AFF2: variants seen among roughly 807,000 people sequenced by gnomAD.
The protein encoded by AFF2 is ALF transcription elongation factor 2, also known as AF4/FMR2 family member 2.
A neutral mutation model predicts 76.9 loss-of-function variants in AFF2; 14 were observed. The ratio of observed to expected loss-of-function variants is 0.18; its 90% CI spans 0.12 to 0.28. AFF2 has a LOEUF of 0.28. Ranked by LOEUF, AFF2 falls within the 10% of genes least tolerant of loss-of-function variation. AFF2 has a pLI of 1.00. For missense variants in AFF2, 868 were observed against 1,001.1 expected (o/e 0.87, Z 1.79); for synonymous variants, 398 against 366.7 (o/e 1.09, Z -0.98).
intron 3 of AFF2, among the ~76,000 whole-genome samples, chrX:148,732,243 C>T (rs1350522106): frequency 1.1e-5 from 1 of 92,620 alleles, no homozygotes; most frequent in African/African-American, 4.3e-5. Context: ...ACTATGCAGC[C>T]ATAAAAAATG....
intron 9 of AFF2, among the ~76,000 whole-genome samples, chrX:148,921,513 C>T (rs1027772738): frequency 6.2e-5 from 7 of 112,188 alleles, no homozygotes; most frequent in African/African-American, 2.3e-4. Flanking sequence ...CAGTATGTAA[C>T]CTTTTGTGTC....
chrX:148,664,707 G>A (rs1557258265), intron 3 of AFF2, among the ~76,000 whole-genome samples: 1 of 112,567 alleles, frequency 8.9e-6, no homozygotes, highest in Non-Finnish European at 1.9e-5. Context: ...GCACATAGTA[G>A]ATACTCAATA....
rs1207624219 is a variant in AFF2 at position 148,661,765 on chromosome X, A to G, written c.181-143A>G. ...TTTTTTTCTTACATAGCACATGAAA[A>G]GCATGAAATTATATGGCAGCAAGAC... On this transcript the variant is annotated intron_variant, in intron 2 of 20. Transcript: ENST00000370460. 1.7e-5 allele frequency: 11 copies of G among 650,908 alleles called. No homozygotes were observed. The African/African-American group carries it at 2.2e-4, about 13-fold the overall frequency. The allele number at this position is 650,908 out of a possible 1,213,427, so 53.6% of individuals were successfully genotyped here.
chrX:148,589,133 C>T (rs1341508454), intron 1 of AFF2, among the ~76,000 whole-genome samples: 3 of 110,535 alleles, frequency 2.7e-5, no homozygotes, highest in African/African-American at 9.9e-5. Context: ...GGCAGAGAGG[C>T]AGTGAGAGGC....
intron 3 of AFF2, among the ~76,000 whole-genome samples, chrX:148,718,514 G>A (rs1202944458): frequency 9.0e-6 from 1 of 111,139 alleles, no homozygotes; most frequent in African/African-American, 3.3e-5. Context: ...CTTCAAGTTC[G>A]AAATGATATC....
At chrX:148,910,838 C>A (rs2124228183) in intron 9 of AFF2, among the ~76,000 whole-genome samples, 1 of 111,287 alleles carries the variant, frequency 9.0e-6, no homozygotes, top group Non-Finnish European at 1.9e-5. Flanking sequence ...TCCATCAGTC[C>A]CCTAATTATT....
chrX:148,843,789 G>C (rs2070632028), intron 7 of AFF2, among the ~76,000 whole-genome samples: 1 of 110,964 alleles, frequency 9.0e-6, no homozygotes, highest in Admixed American at 9.6e-5. Flanking sequence ...CATGGTAGAA[G>C]GGGTGAGGGG....
At chrX:148,888,676 A>G (rs1209842669) in intron 8 of AFF2, among the ~76,000 whole-genome samples, 1 of 111,782 alleles carries the variant, frequency 8.9e-6, no homozygotes, top group Non-Finnish European at 1.9e-5. Flanking sequence ...CTCCAGCACC[A>G]TCATAAGGAG....
intron 4 of AFF2, among the ~76,000 whole-genome samples, chrX:148,834,110 T>TGGA (rs2124663240): frequency 8.9e-6 from 1 of 112,618 alleles, no homozygotes; most frequent in Admixed American, 9.4e-5. Context: ...GGTTTGACTT[T>TGGA]GGAGTCTTCA....
At chrX:148,978,778 G>T (rs1274186164) in intron 18 of AFF2, among the ~76,000 whole-genome samples, 1 of 111,583 alleles carries the variant, frequency 9.0e-6, no homozygotes, top group Non-Finnish European at 1.9e-5. Context: ...TATAGGTTTG[G>T]CCAGTCTTTT....
chrX:148,732,318 G>A (rs241097), intron 3 of AFF2, among the ~76,000 whole-genome samples: 1 of 98,233 alleles, frequency 1.0e-5, no homozygotes, highest in Non-Finnish European at 2.0e-5. Flanking sequence ...GTAAACTATC[G>A]CAAGAACAAA....
intron 3 of AFF2, among the ~76,000 whole-genome samples, chrX:148,752,847 T>C (rs1557266584): frequency 8.9e-6 from 1 of 112,249 alleles, no homozygotes; most frequent in Non-Finnish European, 1.9e-5. Flanking sequence ...ATATTTGACA[T>C]GCTGCCAGGA....
In AFF2 at chrX:148,955,701, C is replaced by T. The variant is rs782102951; in HGVS notation, c.1656C>T (p.Pro552=). The change falls in exon 11 of 21, where the codon CCC becomes CCT. Residue 552 remains proline (P), a synonymous_variant. Coordinates refer to ENST00000370460, the MANE Select transcript of AFF2 (RefSeq NM_002025.4). Reference sequence around the variant, plus strand: ...TTATTTGTGGCCAAAATGAAACACCCATGGAGACTATTTCTCTGCCTCCTC... The same window carrying T: ...TTATTTGTGGCCAAAATGAAACACCTATGGAGACTATTTCTCTGCCTCCTC... ...KSFICGQNET[P]METISLPPPI... is the part of the protein sequence containing the mutation. 2.5e-6 allele frequency: 3 copies of T among 1,211,453 alleles called. No individual in the cohort carries two copies. Among genetic ancestry groups the T allele is most frequent in the Non-Finnish European group, 3.4e-6 (3 of 895,263 alleles).
At chrX:148,894,446 A>G (rs2071258718) in intron 8 of AFF2, among the ~76,000 whole-genome samples, 1 of 111,938 alleles carries the variant, frequency 8.9e-6, no homozygotes, top group South Asian at 3.7e-4. Flanking sequence ...GTAAGTGCAC[A>G]GAAGAGTTTC....
At chrX:148,558,031 A>G (rs1557239914) in intron 1 of AFF2, among the ~76,000 whole-genome samples, 1 of 112,004 alleles carries the variant, frequency 8.9e-6, no homozygotes, top group Non-Finnish European at 1.9e-5. Flanking sequence ...TGATGCTTCA[A>G]TACATTTGAT....
In AFF2 at chrX:148,967,665, G is replaced by A. The variant is rs1330173495; in HGVS notation, c.3240G>A (p.Lys1080=). The change falls in exon 15 of 21, where the codon AAG becomes AAA. Residue 1080 remains lysine, a synonymous_variant. Transcript: ENST00000370460. ...CTGATTATTACATGCAAGAAGCTAAGAAGCTGAAGCACAAAGCTGATGCAC... is the reference window on the plus strand; with the variant it reads ...CTGATTATTACATGCAAGAAGCTAAAAAGCTGAAGCACAAAGCTGATGCAC... The part of the protein sequence containing the change: ...HNADYYMQEA[K]KLKHKADALF... 8.3e-7 allele frequency: 1 copy of A among 1,208,819 alleles called. No individual in the cohort carries two copies. The highest frequency in any genetic ancestry group is 1.1e-6 in the Non-Finnish European group (1 of 894,109).
chrX:148,995,326 C>T lies in AFF2; in HGVS notation c.*3994C>T, dbSNP rs1222664967. 9.0e-6 allele frequency: 1 copy of T among 110,856 alleles called. No individual in the cohort carries two copies. Among genetic ancestry groups the T allele is most frequent in the African/African-American group, 3.3e-5 (1 of 30,337 alleles). The allele number at this position is 110,856 out of a possible 1,213,427, so 9.1% of individuals were successfully genotyped here. On this transcript the variant is annotated 3_prime_UTR_variant, in exon 21 of 21. Coordinates refer to ENST00000370460, the MANE Select transcript of AFF2 (RefSeq NM_002025.4). ...GGCCGGTCTCAGACATTAATCCTAC[C>T]ATCTGATATTTTTGGTGAAGGAAAA...
At chrX:148,693,475 A>T (rs1291563166) in intron 3 of AFF2, among the ~76,000 whole-genome samples, 1 of 112,286 alleles carries the variant, frequency 8.9e-6, no homozygotes, top group Non-Finnish European at 1.9e-5. Flanking sequence ...TATCCTTTGC[A>T]TCTTATGGAA....
intron 1 of AFF2, among the ~76,000 whole-genome samples, chrX:148,574,943 GGTGTGTGTGTGTGT>G (rs781819721): frequency 5.1e-4 from 49 of 95,656 alleles, no homozygotes; most frequent in African/African-American, 1.0e-3. Context: ...ATAGTGCTGG[GGTGTGTGTGTGTGT>G]GTGTGTGTGT....
Sources: allele counts gnomAD v4.1 joint callset (sites outside exome capture counted in the v4.1 genomes callset), GRCh38; gene constraint gnomAD v4.1.1; transcripts MANE v1.5; gene names NCBI Gene and HGNC (gene_info 2026-07-23, HGNC 2026-07-21).